TMEM177: variants seen among roughly 807,000 people sequenced by gnomAD.
TMEM177 encodes transmembrane protein 177.
In TMEM177, 4 loss-of-function variants were observed where a neutral mutation model predicts 14.2. The observed-to-expected ratio is 0.28, with a 90% confidence interval of 0.14 to 0.64. The LOEUF is 0.64. Ranked by LOEUF, TMEM177 falls within the 30% of genes least tolerant of loss-of-function variation. The pLI, the probability that TMEM177 is intolerant of heterozygous loss-of-function variation, is 0.82. For synonymous variants in TMEM177, 179 were observed against 174.5 expected (o/e 1.03, Z -0.20); for missense variants, 344 against 405.2 (o/e 0.85, Z 1.30).
At chr2:119,715,958 G>C in the TMEM177 span, among the ~76,000 whole-genome samples, 1 of 152,212 alleles carries the variant, frequency 6.6e-6, no homozygotes, top group Non-Finnish European at 1.5e-5. Flanking sequence ...CATGGGCCCA[G>C]AACAAAGACA....
chr2:119,706,036 T>TA, the TMEM177 span, among the ~76,000 whole-genome samples: 22 of 57,824 alleles, frequency 3.8e-4, no homozygotes, highest in Admixed American at 1.3e-3. Flanking sequence ...TATATATATA[T>TA]TTTTTTGAGG....
chr2:119,682,126 G>GTT (rs34879718), downstream of TMEM177: 101,777 of 141,670 alleles, frequency 0.72, 38,030 homozygotes, highest in Non-Finnish European at 0.78. Context: ...CTTCTTGGTC[G>GTT]TTTTTTTTTT....
chr2:119,710,490 C>T, the TMEM177 span, among the ~76,000 whole-genome samples: 12 of 152,308 alleles, frequency 7.9e-5, no homozygotes, highest in South Asian at 1.0e-3. Flanking sequence ...GCCTGTCTAC[C>T]GGCATTGCCC....
chr2:119,688,933 C>T (rs1161738900), downstream of TMEM177, among the ~76,000 whole-genome samples: 2 of 152,170 alleles, frequency 1.3e-5, no homozygotes, highest in South Asian at 2.1e-4. Flanking sequence ...AGCGATGGAG[C>T]GTGGGGACAG....
At chr2:119,710,561 A>T in the TMEM177 span, among the ~76,000 whole-genome samples, 1 of 151,198 alleles carries the variant, frequency 6.6e-6, no homozygotes, top group East Asian at 1.9e-4. Flanking sequence ...TGAGGGAGGG[A>T]CCCAAAGTCA....
At chr2:119,690,514 G>C (rs1179284647), downstream of TMEM177, among the ~76,000 whole-genome samples, 1 of 152,144 alleles carries the variant, frequency 6.6e-6, no homozygotes, top group African/African-American at 2.4e-5. Context: ...GTGAGGACAG[G>C]GTGCTCATGC....
chr2:119,696,788 CG>C, the TMEM177 span, among the ~76,000 whole-genome samples: 1 of 150,888 alleles, frequency 6.6e-6, no homozygotes, highest in East Asian at 2.0e-4. Context: ...GAGGCAGGAG[CG>C]GGCCTGGCAC....
chr2:119,712,854 T>C, the TMEM177 span, among the ~76,000 whole-genome samples: 1 of 152,178 alleles, frequency 6.6e-6, no homozygotes, highest in Admixed American at 6.5e-5. Context: ...ATGACTCTTG[T>C]TAAGACTGTA....
chr2:119,679,847 A>C (rs1688850379), intron 1 of TMEM177, among the ~76,000 whole-genome samples: 2 of 152,222 alleles, frequency 1.3e-5, no homozygotes, highest in Non-Finnish European at 2.9e-5. Context: ...TCTAAAACAA[A>C]AAGTTTGCTG....
the TMEM177 span, among the ~76,000 whole-genome samples, chr2:119,695,395 T>C: frequency 6.6e-5 from 10 of 152,254 alleles, no homozygotes; most frequent in Non-Finnish European, 1.5e-4. Flanking sequence ...CTTTTCACAC[T>C]GCATTTTGTC....
downstream of TMEM177, among the ~76,000 whole-genome samples, chr2:119,683,215 G>A (rs1688947680): frequency 6.6e-6 from 1 of 152,166 alleles, no homozygotes; most frequent in South Asian, 2.1e-4. Context: ...TGCTGGGCCA[G>A]CTCACGGGTC....
chr2:119,704,444 A>G, the TMEM177 span, among the ~76,000 whole-genome samples: 1 of 152,202 alleles, frequency 6.6e-6, no homozygotes, highest in Non-Finnish European at 1.5e-5. Context: ...CTAAAAATAC[A>G]AAAATTAGCT....
chr2:119,689,610 G>A (rs187016896), downstream of TMEM177, among the ~76,000 whole-genome samples: 15 of 152,230 alleles, frequency 9.9e-5, no homozygotes, highest in East Asian at 2.1e-3. Context: ...TAAAGAAGTC[G>A]AATGGCTTCT....
downstream of TMEM177, among the ~76,000 whole-genome samples, chr2:119,687,454 C>T (rs547927772): frequency 5.3e-5 from 8 of 152,250 alleles, no homozygotes; most frequent in Admixed American, 1.3e-4. Flanking sequence ...CCTCAGGAAA[C>T]TTACAATCAT....
chr2:119,706,232 GC>G, the TMEM177 span, among the ~76,000 whole-genome samples: 1 of 151,958 alleles, frequency 6.6e-6, no homozygotes, highest in African/African-American at 2.4e-5. Context: ...CGCCACGTTG[GC>G]CAGGCTGGTC....
chr2:119,690,668 A>T (rs951359972), downstream of TMEM177, among the ~76,000 whole-genome samples: 5 of 152,178 alleles, frequency 3.3e-5, no homozygotes, highest in African/African-American at 1.2e-4. Flanking sequence ...CTGCTCTATC[A>T]TCACATCCTG....
At chr2:119,699,967 G>A in the TMEM177 span, 1 of 379,790 alleles carries the variant, frequency 2.6e-6, no homozygotes, top group South Asian at 2.2e-5. Context: ...GGTGAATAAA[G>A]CACGTAAAAT....
downstream of TMEM177, among the ~76,000 whole-genome samples, chr2:119,684,065 G>A (rs1403235654): frequency 6.6e-6 from 1 of 152,176 alleles, no homozygotes; most frequent in Non-Finnish European, 1.5e-5. Flanking sequence ...TTGACTGGGT[G>A]ACTCTCCTGC....
At chr2:119,711,268 T>G in the TMEM177 span, among the ~76,000 whole-genome samples, 26 of 151,980 alleles carry the variant, frequency 1.7e-4, no homozygotes, top group Non-Finnish European at 1.8e-4. Flanking sequence ...GAAAAGGAGA[T>G]TTGGTATAAA....
Sources: allele counts gnomAD v4.1 joint callset (sites outside exome capture counted in the v4.1 genomes callset), GRCh38; gene constraint gnomAD v4.1.1; transcripts MANE v1.5; gene names NCBI Gene and HGNC (gene_info 2026-07-23, HGNC 2026-07-21).